EP300: variants seen among roughly 807,000 people sequenced by gnomAD.
EP300 encodes the protein EP300 lysine acetyltransferase, also known as histone acetyltransferase p300.
Under a neutral mutation model 264.0 loss-of-function variants are expected in EP300, and 31 were observed. That is an observed-to-expected ratio of 0.12 (90% CI 0.09 to 0.16). The LOEUF is 0.16. Among genes scored for constraint, EP300 ranks in the 10% least tolerant of loss-of-function variants. The pLI, the probability that EP300 is intolerant of heterozygous loss-of-function variation, is 1.00. For synonymous variants in EP300, 1,340 were observed against 1,045.4 expected (o/e 1.28, Z -5.44); for missense variants, 2,766 against 3,052.9 (o/e 0.91, Z 2.21).
chr22:41,129,045 C>T (rs1175666881), intron 4 of EP300, among the ~76,000 whole-genome samples: 4 of 152,036 alleles, frequency 2.6e-5, no homozygotes, highest in Admixed American at 2.0e-4. Context: ...GAGTCTCGCT[C>T]TGTCGCCCAG....
intron 18 of EP300, among the ~76,000 whole-genome samples, chr22:41,157,774 G>T (rs1464241849): frequency 1.3e-5 from 2 of 152,054 alleles, no homozygotes; most frequent in African/African-American, 4.8e-5. Context: ...TCCTGCCTCG[G>T]CCTCCCAAAG....
At chr22:41,162,629 CTA>C in intron 20 of EP300, 92 bp from the exon 21 acceptor site, 1 of 961,236 alleles carries the variant, frequency 1.0e-6, no homozygotes, top group South Asian at 1.3e-5. Flanking sequence ...ACCTGAATCT[CTA>C]TATAGGGTGA....
chr22:41,123,845 A>G (rs1330504267), intron 2 of EP300, among the ~76,000 whole-genome samples: 1 of 152,260 alleles, frequency 6.6e-6, no homozygotes, highest in Non-Finnish European at 1.5e-5. Context: ...AACTTTCATT[A>G]TTAGTAAAAC....
At chr22:41,134,873 T>G (rs2058941273) in intron 6 of EP300, among the ~76,000 whole-genome samples, 1 of 152,112 alleles carries the variant, frequency 6.6e-6, no homozygotes, top group Admixed American at 6.5e-5. Context: ...GTTTTATATC[T>G]TCTGTCTTGG....
rs2059210023 is a variant in EP300 at position 41,177,691 on chromosome 22, C to T, written c.5980C>T (p.Pro1994Ser). ...ACCGACAGGGATGCAGCAACAGCCA[C>T]CCTGGAGCCAAGGAGGATTGCCTCA... ...MGPTGMQQQP[P>S]WSQGGLPQPQ... Residue 1994 changes from proline (P) to serine (S), a missense_variant, in exon 31 of 31, where the codon CCC (proline) becomes TCC (serine). Pro to Ser is a moderately conservative substitution (Grantham distance 74). Transcript: ENST00000263253. 2 of 1,613,882 alleles carry T rather than the reference C, an allele frequency of 1.2e-6. No homozygotes were observed. Among genetic ancestry groups the T allele is most frequent in the Non-Finnish European group, 1.7e-6 (2 of 1,180,016 alleles).
At position 41,177,973 on chromosome 22, in the gene EP300, C is replaced by A. The variant is rs201569846; in HGVS notation, c.6262C>A (p.Arg2088=). ...GCTGTTGGCTGCATTCATCAAGCAG[C>A]GGGCTGCCAAGTATGCCAACTCTAA... The part of the protein sequence containing the change: ...PQLLAAFIKQ[R]AAKYANSNPQ... Residue 2088 remains arginine, a synonymous_variant, in exon 31 of 31, where the codon CGG becomes AGG. Coordinates refer to ENST00000263253, the MANE Select transcript of EP300 (RefSeq NM_001429.4). The A allele has an allele frequency of 7.4e-6, 12 of 1,614,168 alleles. No homozygotes were observed. Among genetic ancestry groups the A allele is most frequent in the Admixed American group, 3.3e-5 (2 of 60,032 alleles).
At chr22:41,146,499 A>C in intron 10 of EP300, 1 of 520,736 alleles carries the variant, frequency 1.9e-6, no homozygotes, top group East Asian at 3.5e-5. Flanking sequence ...TTTTCTATCA[A>C]CATTGAAAGC....
At chr22:41,166,744 TTTG>T in intron 23 of EP300, 78 bp downstream of exon 23, 1 of 972,910 alleles carries the variant, frequency 1.0e-6, no homozygotes, top group Non-Finnish European at 1.6e-6. Context: ...AGTGAATTAC[TTTG>T]TTTTTAATCA....
At chr22:41,113,091 C>T (rs2058802126) in intron 1 of EP300, among the ~76,000 whole-genome samples, 1 of 149,480 alleles carries the variant, frequency 6.7e-6, no homozygotes, top group African/African-American at 2.5e-5. Context: ...TCAGTCTGTA[C>T]CTAAATATGT....
intron 12 of EP300, 57 bp from the exon 13 acceptor site, chr22:41,148,981 A>G (rs1019618911): frequency 6.2e-7 from 1 of 1,609,420 alleles, no homozygotes; most frequent in East Asian, 2.2e-5. Context: ...GATTTTAGTT[A>G]TAGTAGAATA....
intron 4 of EP300, among the ~76,000 whole-genome samples, chr22:41,129,120 C>G (rs1040436322): frequency 1.3e-5 from 2 of 152,042 alleles, no homozygotes; most frequent in African/African-American, 4.8e-5. Context: ...ATGCCATTCT[C>G]CTGCCTCAGC....
At chr22:41,168,290 T>A (rs2059151729) in intron 23 of EP300, 159 bp from the exon 24 acceptor site, 7 of 749,106 alleles carry the variant, frequency 9.3e-6, no homozygotes, top group Non-Finnish European at 1.4e-5. Context: ...ATATGACATG[T>A]AAATCTGCAA....
At chr22:41,163,928 T>C (rs1392516087) in intron 21 of EP300, 125 bp from the exon 22 acceptor site, 1 of 910,586 alleles carries the variant, frequency 1.1e-6, no homozygotes, top group African/African-American at 1.6e-5. Context: ...AGAAACTTTA[T>C]TAAAACTATT....
intron 27 of EP300, among the ~76,000 whole-genome samples, chr22:41,171,762 C>T (rs1428391962): frequency 2.6e-5 from 4 of 151,736 alleles, no homozygotes; most frequent in Non-Finnish European, 1.5e-5. Context: ...CAGGCATGCA[C>T]CACCAAGCCA....
At chr22:41,167,584 GTATATATATATATATATATATATA>G (rs56131556) in intron 23 of EP300, among the ~76,000 whole-genome samples, 1,016 of 34,488 alleles carry the variant, frequency 0.029, 37 homozygotes, top group South Asian at 0.13. Context: ...GTGTGTGTGT[GTATATATATATATATATATATATA>G]TATATATATA....
chr22:41,137,587 C>T, intron 7 of EP300, 66 bp from the exon 8 acceptor site: 3 of 1,599,644 alleles, frequency 1.9e-6, no homozygotes, highest in South Asian at 1.1e-5. Flanking sequence ...TCAGTGTCAG[C>T]TTGAATTAAA....
chr22:41,167,590 A>G (rs1214169889), intron 23 of EP300, among the ~76,000 whole-genome samples: 290 of 6,794 alleles, frequency 0.043, 3 homozygotes, highest in South Asian at 0.082. Context: ...GTGTGTATAT[A>G]TATATATATA....
intron 8 of EP300, 117 bp from the exon 9 acceptor site, chr22:41,140,023 T>G (rs2058972632): frequency 2.6e-6 from 2 of 764,018 alleles, no homozygotes. Flanking sequence ...CAGTAAGTAA[T>G]ATATATCACC....
At chr22:41,155,202 C>A in intron 17 of EP300, 89 bp downstream of exon 17, 1 of 1,004,242 alleles carries the variant, frequency 1.0e-6, no homozygotes, top group Non-Finnish European at 1.6e-6. Context: ...AGTATAGCCA[C>A]TCATTTCAAA....
Sources: allele counts gnomAD v4.1 joint callset (sites outside exome capture counted in the v4.1 genomes callset), GRCh38; gene constraint gnomAD v4.1.1; transcripts MANE v1.5; gene names NCBI Gene and HGNC (gene_info 2026-07-23, HGNC 2026-07-21).